ADAMTS17: variants seen among roughly 807,000 people sequenced by gnomAD.
The protein encoded by ADAMTS17 is ADAM metallopeptidase with thrombospondin type 1 motif 17.
In ADAMTS17, 113 loss-of-function variants were observed where a neutral mutation model predicts 141.5. The ratio of observed to expected loss-of-function variants is 0.80; its 90% CI spans 0.69 to 0.93. The LOEUF (loss-of-function observed/expected upper bound fraction) is 0.93, where lower values mean the gene tolerates loss of function less well. ADAMTS17 is among the 40% of genes least tolerant of loss of function. ADAMTS17 has a pLI of 0.00. For missense variants in ADAMTS17, 1,659 were observed against 1,517.9 expected (o/e 1.09, Z -1.54); for synonymous variants, 768 against 630.6 (o/e 1.22, Z -3.27).
chr15:100,096,594 A>T, intron 14 of ADAMTS17, 118 bp from the exon 15 acceptor site: 1 of 1,308,020 alleles, frequency 7.6e-7, no homozygotes, highest in Non-Finnish European at 1.1e-6. Context: ...TGGGGCCCTG[A>T]TCCATTCAGA....
At chr15:100,086,407 AC>A (rs1458195423) in intron 15 of ADAMTS17, among the ~76,000 whole-genome samples, 2 of 151,658 alleles carry the variant, frequency 1.3e-5, no homozygotes, top group East Asian at 3.9e-4. Context: ...GGAGACTTTA[AC>A]ACCCCACTGT....
At chr15:100,107,736 AC>A (rs2036496257) in intron 14 of ADAMTS17, among the ~76,000 whole-genome samples, 1 of 151,726 alleles carries the variant, frequency 6.6e-6, no homozygotes, top group Admixed American at 6.6e-5. Flanking sequence ...ATGATAAGCG[AC>A]CCCTCATCAG....
chr15:100,109,490 G>T (rs904162342), intron 13 of ADAMTS17, among the ~76,000 whole-genome samples: 7 of 152,022 alleles, frequency 4.6e-5, no homozygotes, highest in Admixed American at 3.3e-4. Context: ...GTGAAGGGAG[G>T]GGGAGGGGAA....
At chr15:100,272,811 T>C (rs575479521) in intron 4 of ADAMTS17, among the ~76,000 whole-genome samples, 5 of 151,404 alleles carry the variant, frequency 3.3e-5, no homozygotes, top group African/African-American at 9.7e-5. Flanking sequence ...CACCACGGAG[T>C]GTATTATTAG....
At position 100,260,192 on chromosome 15, in the gene ADAMTS17, G is replaced by A. The variant is rs1056916623; in HGVS notation, c.1031+1287C>T. Among the ~76,000 whole-genome samples the A allele has an allele frequency of 4.6e-5, 7 of 152,316 alleles. 1 individual carries two copies. The highest frequency in any genetic ancestry group is 3.9e-4 in the Admixed American group (6 of 15,304). On this transcript the variant is annotated intron_variant, in intron 6 of 21. Coordinates refer to ENST00000268070, the MANE Select transcript of ADAMTS17 (RefSeq NM_139057.4). The stretch of plus-strand genomic sequence containing the variant: ...ACGAAAGCTGCACTGTCCGGTGTCT[G>A]GGGCTGGGGTCACAGAACTTCCCCA...
intron 4 of ADAMTS17, among the ~76,000 whole-genome samples, chr15:100,262,804 A>AAAAAAAAAAAC (rs1224498604): frequency 6.7e-6 from 1 of 150,220 alleles, no homozygotes; most frequent in African/African-American, 2.5e-5. Context: ...AAAACAAAAA[A>AAAAAAAAAAAC]CCTAAAGAAT....
At chr15:100,178,742 G>A (rs1417027698) in intron 8 of ADAMTS17, among the ~76,000 whole-genome samples, 1 of 152,066 alleles carries the variant, frequency 6.6e-6, no homozygotes, top group Non-Finnish European at 1.5e-5. Context: ...CCGTTTACTA[G>A]CAACAAATTC....
intron 7 of ADAMTS17, among the ~76,000 whole-genome samples, chr15:100,249,182 C>T (rs1240882841): frequency 1.3e-5 from 2 of 152,198 alleles, no homozygotes; most frequent in African/African-American, 2.4e-5. Context: ...GGCCTCTGCA[C>T]TGCAGGGCTC....
At chr15:100,244,286 G>A (rs2042919248) in intron 7 of ADAMTS17, among the ~76,000 whole-genome samples, 2 of 151,326 alleles carry the variant, frequency 1.3e-5, no homozygotes, top group East Asian at 4.0e-4. Flanking sequence ...GATGAGATTT[G>A]GGTGGGGACA....
At chr15:99,984,284 C>T (rs1289014499) in intron 20 of ADAMTS17, among the ~76,000 whole-genome samples, 1 of 152,190 alleles carries the variant, frequency 6.6e-6, no homozygotes, top group African/African-American at 2.4e-5. Flanking sequence ...AGCTCTCATC[C>T]TCTTTCCTGG....
intron 8 of ADAMTS17, among the ~76,000 whole-genome samples, chr15:100,179,250 T>C (rs930710700): frequency 3.9e-5 from 6 of 152,238 alleles, no homozygotes; most frequent in Admixed American, 6.5e-5. Context: ...TAGCCTCTGG[T>C]AACCATCATT....
At chr15:100,045,553 T>C (rs1184467988) in intron 18 of ADAMTS17, among the ~76,000 whole-genome samples, 1 of 152,216 alleles carries the variant, frequency 6.6e-6, no homozygotes, top group Admixed American at 6.5e-5. Flanking sequence ...CTGGCCGGCC[T>C]GTCTTATTCT....
In ADAMTS17 at chr15:100,124,022, G is replaced by A. The variant is rs149925056; in HGVS notation, c.1722-7009C>T. The stretch of plus-strand genomic sequence containing the variant: ...TCTGTCATCCAGGCTGGAGTGCAGT[G>A]GTAAGATCTCGGCTCACTATAACCT... On this transcript the variant is annotated intron_variant, in intron 12 of 21. Coordinates refer to ENST00000268070, the MANE Select transcript of ADAMTS17 (RefSeq NM_139057.4). Among the ~76,000 whole-genome samples the A allele has an allele frequency of 5.9e-3, 897 of 151,722 alleles. 5 individuals carry two copies. The highest frequency in any genetic ancestry group is 8.1e-3 in the Non-Finnish European group (548 of 67,954).
At chr15:100,311,444 C>A (rs2141860319) in intron 3 of ADAMTS17, among the ~76,000 whole-genome samples, 1 of 152,358 alleles carries the variant, frequency 6.6e-6, no homozygotes, top group Admixed American at 6.5e-5. Flanking sequence ...ACAGCCCCAG[C>A]CAGTGTGCAC....
At chr15:99,999,453 A>G (rs1262627722) in intron 18 of ADAMTS17, among the ~76,000 whole-genome samples, 1 of 152,018 alleles carries the variant, frequency 6.6e-6, no homozygotes, top group East Asian at 1.9e-4. Flanking sequence ...CCCCGTGACT[A>G]CGTGGGAAAA....
At chr15:100,037,832 T>C (rs939078582) in intron 18 of ADAMTS17, among the ~76,000 whole-genome samples, 10 of 152,174 alleles carry the variant, frequency 6.6e-5, no homozygotes, top group African/African-American at 2.4e-4. Flanking sequence ...TGGAGTGCAG[T>C]GGTGCAATCT....
At chr15:100,213,453 C>CATT (rs1245044489) in intron 7 of ADAMTS17, among the ~76,000 whole-genome samples, 1 of 152,156 alleles carries the variant, frequency 6.6e-6, no homozygotes, top group Non-Finnish European at 1.5e-5. Flanking sequence ...ACCAAAGAAG[C>CATT]ATTTACGGCT....
intron 2 of ADAMTS17, among the ~76,000 whole-genome samples, chr15:100,336,343 C>T (rs1346007495): frequency 1.3e-5 from 2 of 152,132 alleles, no homozygotes; most frequent in Non-Finnish European, 2.9e-5. Flanking sequence ...ACCATGAGGC[C>T]ACAGGAATGT....
chr15:100,049,883 TAAAC>T (rs2032007453), intron 17 of ADAMTS17, among the ~76,000 whole-genome samples: 1 of 152,220 alleles, frequency 6.6e-6, no homozygotes, highest in East Asian at 1.9e-4. Flanking sequence ...ATGATTAAAA[TAAAC>T]AAATATATAT....
Sources: allele counts gnomAD v4.1 joint callset (sites outside exome capture counted in the v4.1 genomes callset), GRCh38; gene constraint gnomAD v4.1.1; transcripts MANE v1.5; gene names NCBI Gene and HGNC (gene_info 2026-07-23, HGNC 2026-07-21).